Variants in SCNN1G observed in about 807,000 individuals in gnomAD.
The protein encoded by SCNN1G is epithelial sodium channel subunit gamma.
SCNN1G carries 27 observed loss-of-function variants against 64.6 expected under a neutral mutation model. The ratio of observed to expected loss-of-function variants is 0.42; its 90% CI spans 0.31 to 0.58. SCNN1G has a LOEUF of 0.58. Among genes scored for constraint, SCNN1G ranks in the 20% least tolerant of loss-of-function variants. SCNN1G has a pLI of 0.18. For missense variants in SCNN1G, 743 were observed against 823.4 expected, an observed-to-expected ratio of 0.90 and a Z score of 1.19; for synonymous variants, 330 against 314.2, an observed-to-expected ratio of 1.05 and a Z score of -0.53.
intron 7 of SCNN1G, among the ~76,000 whole-genome samples, chr16:23,211,244 T>C (rs927758728): frequency 1.3e-5 from 2 of 152,202 alleles, no homozygotes; most frequent in African/African-American, 2.4e-5. Flanking sequence ...AAGATTGGAT[T>C]TGACCTGAGT....
intron 1 of SCNN1G, among the ~76,000 whole-genome samples, chr16:23,183,017 C>T (rs956740849): frequency 2.0e-5 from 3 of 152,172 alleles, no homozygotes; most frequent in Non-Finnish European, 2.9e-5. Context: ...CGCCGTGGCC[C>T]GGAGCACGAA....
At chr16:23,215,047 G>A (rs1596779358) in intron 12 of SCNN1G, 42 bp from the exon 13 acceptor site, 1 of 1,613,266 alleles carries the variant, frequency 6.2e-7, no homozygotes, top group East Asian at 2.2e-5. Context: ...GCCAACTTGG[G>A]GGGAGGTTCC....
At chr16:23,193,083 A>G in intron 4 of SCNN1G, among the ~76,000 whole-genome samples, 1 of 150,792 alleles carries the variant, frequency 6.6e-6, no homozygotes, top group African/African-American at 2.4e-5. Flanking sequence ...AAAAAAAAAA[A>G]AAAAAAAAAA....
chr16:23,215,603 C>A lies in SCNN1G; in HGVS notation c.*134C>A. The A allele has an allele frequency of 9.2e-7, 1 of 1,091,982 alleles. No homozygotes were observed. The highest frequency in any genetic ancestry group is 1.4e-6 in the Non-Finnish European group (1 of 738,740). The allele number at this position is 1,091,982 out of a possible 1,614,324, so 67.6% of individuals were successfully genotyped here. On this transcript the variant is annotated 3_prime_UTR_variant, in exon 13 of 13. Transcript: ENST00000300061. ...TTTTCAGATACTCTGACCAAAAAGCCTGCTTTAAACCGCAAGATGGGGCCT... is the reference window on the plus strand; with the variant it reads ...TTTTCAGATACTCTGACCAAAAAGCATGCTTTAAACCGCAAGATGGGGCCT...
rs369503618 is a variant in SCNN1G, at chr16:23,197,130, G to A, written c.914-134G>A. Reference sequence around the variant, plus strand: ...CCAATCTCACGGAGCTTCCAGTCTAGCCCTCGTCCACCTGTCACTTGCTAG... The same window carrying A: ...CCAATCTCACGGAGCTTCCAGTCTAACCCTCGTCCACCTGTCACTTGCTAG... On this transcript the variant is annotated intron_variant, in intron 5 of 12. Transcript: ENST00000300061. 58 of 745,526 alleles carry A rather than the reference G, an allele frequency of 7.8e-5. No homozygotes were observed. In the African/African-American group the frequency reaches 8.4e-4, roughly 11 times the overall value. 46.2% of individuals were successfully genotyped at this position (745,526 alleles called of 1,614,324 possible). A position where few individuals can be genotyped will look rare whatever the true frequency, so the allele number is the denominator to read the frequency against.
At chr16:23,207,583 C>G (rs1047322541) in intron 6 of SCNN1G, among the ~76,000 whole-genome samples, 2 of 152,134 alleles carry the variant, frequency 1.3e-5, no homozygotes, top group Admixed American at 1.3e-4. Context: ...GTGAGAAGGG[C>G]GGGTTGCAGG....
chr16:23,203,908 A>G (rs1959934488), intron 6 of SCNN1G, among the ~76,000 whole-genome samples: 2 of 151,524 alleles, frequency 1.3e-5, no homozygotes, highest in Admixed American at 6.6e-5. Context: ...ACGTTACTTC[A>G]TGGCTGGTGA....
intron 4 of SCNN1G, among the ~76,000 whole-genome samples, chr16:23,192,907 A>G (rs1195676099): frequency 6.6e-6 from 1 of 151,710 alleles, no homozygotes; most frequent in African/African-American, 2.4e-5. Context: ...CGTCTCTACT[A>G]AAAATACAAA....
Position 23,209,820 on chromosome 16 carries a change from A to G in SCNN1G, c.1148A>G (p.Asn383Ser), listed in dbSNP as rs1960050471. ...TEDGSDVPIR[N>S]IYNAAYSLQI... is the part of the protein sequence containing the mutation. ...GACGGGAGTGACGTGCCAATCAGGA[A>G]CATCTACAACGCTGCCTACTCGCTC... Residue 383 changes from asparagine (N) to serine (S), a missense_variant, in exon 7 of 13, where the codon AAC (asparagine) becomes AGC (serine). By Grantham distance (46) the Asn-to-Ser change is conservative. Coordinates refer to ENST00000300061, the MANE Select transcript of SCNN1G (RefSeq NM_001039.4). 6.2e-7 allele frequency: 1 copy of G among 1,613,960 alleles called. No individual in the cohort carries two copies. Among genetic ancestry groups the G allele is most frequent in the East Asian group, 2.2e-5 (1 of 44,880 alleles).
chr16:23,189,172 C>T (rs1959662265), intron 2 of SCNN1G, among the ~76,000 whole-genome samples, 199 bp from the exon 3 acceptor site: 1 of 152,202 alleles, frequency 6.6e-6, no homozygotes, highest in Non-Finnish European at 1.5e-5. Flanking sequence ...ATGGGTCACC[C>T]ATGAGCCTTT....
intron 6 of SCNN1G, among the ~76,000 whole-genome samples, chr16:23,197,783 G>A (rs999303733): frequency 5.3e-5 from 8 of 151,970 alleles, no homozygotes; most frequent in African/African-American, 1.9e-4. Context: ...GGGAGGCTGA[G>A]GCAAGAGAAT....
At position 23,212,853 on chromosome 16, in the gene SCNN1G, C is replaced by G; in HGVS notation, c.1390C>G (p.Leu464Val). Residue 464 changes from leucine (L) to valine (V), a missense_variant, in exon 10 of 13, where the codon CTA becomes GTA. Coordinates refer to ENST00000300061, the MANE Select transcript of SCNN1G (RefSeq NM_001039.4). ...CTCCCTTAGCTTTAAAGAGTGGACACTAACCACAAGCCTGGCACAATGGCC... is the reference window on the plus strand; with the variant it reads ...CTCCCTTAGCTTTAAAGAGTGGACAGTAACCACAAGCCTGGCACAATGGCC... Reference protein sequence around the residue: ...KEACSFKEWTLTTSLAQWPSV... With the variant: ...KEACSFKEWTVTTSLAQWPSV... The G allele has an allele frequency of 1.2e-6, 2 of 1,614,214 alleles. No homozygotes were observed. Among genetic ancestry groups the G allele is most frequent in the South Asian group, 2.2e-5 (2 of 91,090 alleles).
chr16:23,214,841 T>A, intron 12 of SCNN1G, 54 bp downstream of exon 12: 2 of 1,450,282 alleles, frequency 1.4e-6, no homozygotes, highest in Non-Finnish European at 1.9e-6. Context: ...AATGTGAGCA[T>A]CTTCCTGGCC....
At chr16:23,212,996 A>G (rs1960104965) in intron 10 of SCNN1G, 102 bp downstream of exon 10, 8 of 1,529,776 alleles carry the variant, frequency 5.2e-6, no homozygotes, top group Non-Finnish European at 7.2e-6. Context: ...CAGGGGGAAA[A>G]GAATTACCTT....
chr16:23,202,965 T>A (rs1245154728), intron 6 of SCNN1G, among the ~76,000 whole-genome samples: 1 of 152,102 alleles, frequency 6.6e-6, no homozygotes, highest in South Asian at 2.1e-4. Context: ...GGAGAAAACC[T>A]TGGGGGGTAA....
chr16:23,213,252 C>CTTTTTTTTT lies in SCNN1G; in HGVS notation c.1493+102_1493+110dup. ...TTCTGTATGTGTATGGCCAAATCCTCTTTTTTTTTTTTTTTTTTTTTATGG... is the reference window on the plus strand; with the variant it reads ...TTCTGTATGTGTATGGCCAAATCCTCTTTTTTTTTTTTTTTTTTTTTTTTTTTTTTATGG... On this transcript the variant is annotated intron_variant, in intron 11 of 12. Coordinates refer to ENST00000300061, the MANE Select transcript of SCNN1G (RefSeq NM_001039.4). The CTTTTTTTTT allele has an allele frequency of 3.7e-6, 2 of 533,854 alleles. 1 individual carries two copies. Among genetic ancestry groups the CTTTTTTTTT allele is most frequent in the Non-Finnish European group, 6.5e-6 (2 of 306,004 alleles). 33.1% of individuals were successfully genotyped at this position (533,854 alleles called of 1,614,324 possible).
intron 8 of SCNN1G, 30 bp downstream of exon 8, chr16:23,212,181 GC>G: frequency 6.9e-7 from 1 of 1,449,464 alleles, no homozygotes; most frequent in Non-Finnish European, 9.7e-7. Context: ...AGCCTTGCAT[GC>G]CCCAGGACCA....
Position 23,182,918 on chromosome 16 carries a change from C to A in SCNN1G, c.-45+105C>A, listed in dbSNP as rs564186195. 264 of 152,562 alleles carry A rather than the reference C, an allele frequency of 1.7e-3. 1 individual carries two copies. The highest frequency in any genetic ancestry group is 3.4e-3 in the Middle Eastern group (1 of 294). 9.5% of individuals were successfully genotyped at this position (152,562 alleles called of 1,614,324 possible). On this transcript the variant is annotated intron_variant, in intron 1 of 12. Coordinates refer to ENST00000300061, the MANE Select transcript of SCNN1G (RefSeq NM_001039.4). ...GCCGTCAGCGCGGTGGGTGGCCGAGCCAGCATCAGCCGGTGGCGGCTTCCC... is the reference window on the plus strand; with the variant it reads ...GCCGTCAGCGCGGTGGGTGGCCGAGACAGCATCAGCCGGTGGCGGCTTCCC...
At chr16:23,183,121 CT>C (rs1345603415) in intron 1 of SCNN1G, among the ~76,000 whole-genome samples, 1 of 152,276 alleles carries the variant, frequency 6.6e-6, no homozygotes, top group Non-Finnish European at 1.5e-5. Flanking sequence ...GCCCCCTTCC[CT>C]GCCGGGGTGA....
Sources: allele counts gnomAD v4.1 joint callset (sites outside exome capture counted in the v4.1 genomes callset), GRCh38; gene constraint gnomAD v4.1.1; transcripts MANE v1.5; gene names NCBI Gene and HGNC (gene_info 2026-07-23, HGNC 2026-07-21).